The following ICE2 variants were observed in gnomAD, a reference collection of about 807,000 sequenced individuals.
ICE2 encodes the protein little elongation complex subunit 2.
In ICE2, 87 loss-of-function variants were observed where a neutral mutation model predicts 105.4. The observed-to-expected ratio is 0.83, with a 90% CI of 0.69 to 0.99. The LOEUF (loss-of-function observed/expected upper bound fraction) is 0.99, where lower values mean the gene tolerates loss of function less well. Ranked by LOEUF, ICE2 falls within the 50% of genes least tolerant of loss-of-function variation. The pLI is 0.00. For missense variants in ICE2, 1,323 were observed against 1,146.7 expected, an observed-to-expected ratio of 1.15 and a Z score of -2.22; for synonymous variants, 399 against 392.0, an observed-to-expected ratio of 1.02 and a Z score of -0.21.
chr15:60,476,486 G>A (rs2064765607), intron 2 of ICE2, among the ~76,000 whole-genome samples: 1 of 152,248 alleles, frequency 6.6e-6, no homozygotes. Flanking sequence ...TATAATCAAG[G>A]GTCTGTCAAA....
chr15:60,452,174 A>C (rs750507760), intron 9 of ICE2: 26 of 967,916 alleles, frequency 2.7e-5, no homozygotes, highest in Non-Finnish European at 3.2e-5. Flanking sequence ...AGAAGAAAAC[A>C]TAAGTTAAAA....
intron 15 of ICE2, among the ~76,000 whole-genome samples, chr15:60,424,643 G>C (rs1053768630): frequency 6.6e-6 from 1 of 152,136 alleles, no homozygotes; most frequent in African/African-American, 2.4e-5. Context: ...TGAGCAGCTG[G>C]GATTACAGGT....
Position 60,449,014 on chromosome 15 carries a change from C to G in ICE2, c.1953G>C (p.Met651Ile). 6.2e-7 allele frequency: 1 copy of G among 1,613,746 alleles called. No homozygotes were observed. The highest frequency in any genetic ancestry group is 8.5e-7 in the Non-Finnish European group (1 of 1,179,942). ...AAATTGGCTTTAAGAGCTCATCCTG[C>G]ATTTTTAAAATCTCTCCAACTGGAT... ...KFDPVGEILK[M>I]QDELLKPISR... The change falls in exon 10 of 16, where the codon ATG (methionine) becomes ATC (isoleucine). Residue 651 changes from methionine (M) to isoleucine (I), a missense_variant. By Grantham distance (10) the Met-to-Ile change is conservative (BLOSUM62 1). Coordinates refer to ENST00000261520, the MANE Select transcript of ICE2 (RefSeq NM_024611.6).
chr15:60,461,915 G>C (rs2064288543), intron 5 of ICE2, among the ~76,000 whole-genome samples: 1 of 152,190 alleles, frequency 6.6e-6, no homozygotes. Flanking sequence ...TGAAAAGCCA[G>C]TAGGAAGAGC....
chr15:60,463,363 A>T (rs745480496), intron 5 of ICE2, among the ~76,000 whole-genome samples: 7 of 152,234 alleles, frequency 4.6e-5, no homozygotes, highest in Non-Finnish European at 1.0e-4. Context: ...TATAATGGAA[A>T]AATGGACAGA....
chr15:60,460,617 G>T (rs1213764807), intron 5 of ICE2, among the ~76,000 whole-genome samples: 1 of 152,128 alleles, frequency 6.6e-6, no homozygotes, highest in African/African-American at 2.4e-5. Context: ...TGACGTTTTG[G>T]ACCACATAAT....
chr15:60,433,094 T>G (rs952734752), intron 13 of ICE2, among the ~76,000 whole-genome samples: 4 of 151,940 alleles, frequency 2.6e-5, no homozygotes, highest in African/African-American at 9.7e-5. Flanking sequence ...CAGGTTTTTT[T>G]TTTTTTTTGA....
chr15:60,477,984 A>G lies in ICE2; in HGVS notation c.-7T>C. 1 of 1,613,926 alleles carries G rather than the reference A, an allele frequency of 6.2e-7. No homozygotes were observed. The highest frequency in any genetic ancestry group is 8.5e-7 in the Non-Finnish European group (1 of 1,179,846). Reference sequence around the variant, plus strand: ...TGACCATCTTGGAGCTCATCTTCCTAGATTTCTGCTTCACTCTAGCTCACA... The same window carrying G: ...TGACCATCTTGGAGCTCATCTTCCTGGATTTCTGCTTCACTCTAGCTCACA... On this transcript the variant is annotated 5_prime_UTR_variant, in exon 2 of 16. Transcript: ENST00000261520.
chr15:60,466,443 C>A, intron 5 of ICE2, 151 bp downstream of exon 5: 1 of 742,054 alleles, frequency 1.3e-6, no homozygotes, highest in Non-Finnish European at 2.2e-6. Context: ...AGTTTTTCTA[C>A]TATTTTAATG....
At position 60,420,048 on chromosome 15, in the gene ICE2, T is replaced by C. The variant is rs1472712977; in HGVS notation, c.*3586A>G. 1.3e-5 allele frequency: 2 copies of C among 152,188 alleles called. No individual in the cohort carries two copies. Among genetic ancestry groups the C allele is most frequent in the African/African-American group, 4.8e-5 (2 of 41,430 alleles). 9.4% of individuals were successfully genotyped at this position (152,188 alleles called of 1,614,324 possible). A position where few individuals can be genotyped will look rare whatever the true frequency, so the allele number is the denominator to read the frequency against. On this transcript the variant is annotated 3_prime_UTR_variant, in exon 16 of 16. Transcript: ENST00000261520. ...TTGACTTACAGAAACTGTGAGATAA[T>C]GTTTGTTGTTTTAAGTAGCTAAGTT... is the stretch of plus-strand genomic sequence containing the variant.
intron 5 of ICE2, among the ~76,000 whole-genome samples, chr15:60,464,342 A>G: frequency 1.1e-5 from 1 of 88,318 alleles, no homozygotes; most frequent in African/African-American, 3.0e-5. Flanking sequence ...CCACGAGTGA[A>G]TAAAACAGCA....
intron 3 of ICE2, among the ~76,000 whole-genome samples, chr15:60,469,802 C>T (rs2064537679): frequency 6.6e-6 from 1 of 152,210 alleles, no homozygotes; most frequent in Non-Finnish European, 1.5e-5. Flanking sequence ...CTTAGATTCA[C>T]AAATGCTACC....
rs549598658 is a variant in ICE2, at chr15:60,421,055, T to C, written c.*2579A>G. On this transcript the variant is annotated 3_prime_UTR_variant, in exon 16 of 16. Transcript: ENST00000261520. The stretch of plus-strand genomic sequence containing the variant: ...AAACAAGGCTATGAGAGAATAACTG[T>C]GGGGACCTACTTTGGAGTGCATGGC... 6.6e-6 allele frequency: 1 copy of C among 152,202 alleles called. No individual in the cohort carries two copies. The highest frequency in any genetic ancestry group is 2.4e-5 in the African/African-American group (1 of 41,462). 9.4% of individuals were successfully genotyped at this position (152,202 alleles called of 1,614,324 possible). A position where few individuals can be genotyped will look rare whatever the true frequency, so the allele number is the denominator to read the frequency against.
chr15:60,448,711 T>C (rs755997077), intron 10 of ICE2, 137 bp downstream of exon 10: 4 of 758,742 alleles, frequency 5.3e-6, no homozygotes, highest in Admixed American at 6.2e-5. Context: ...TACTGATCAA[T>C]AGATCGAAAA....
intron 5 of ICE2, among the ~76,000 whole-genome samples, chr15:60,465,285 G>A (rs966116538): frequency 3.3e-5 from 5 of 151,822 alleles, no homozygotes; most frequent in Non-Finnish European, 7.4e-5. Context: ...TCCACCTCCT[G>A]GGCTTAAGTG....
chr15:60,421,174 T>A lies in ICE2; in HGVS notation c.*2460A>T, dbSNP rs2063239374. ...CTGAGGTATAAATGGGCCAGGGTGA[T>A]CACATCCTTGCTAGCCCTAAGTCTG... On this transcript the variant is annotated 3_prime_UTR_variant, in exon 16 of 16. Transcript: ENST00000261520. 6.7e-6 allele frequency: 1 copy of A among 149,878 alleles called. No individual in the cohort carries two copies. Among genetic ancestry groups the A allele is most frequent in the South Asian group, 2.1e-4 (1 of 4,676 alleles). 9.3% of individuals were successfully genotyped at this position (149,878 alleles called of 1,614,324 possible). A position where few individuals can be genotyped will look rare whatever the true frequency, so the allele number is the denominator to read the frequency against.
Position 60,453,631 on chromosome 15 carries a change from T to C in ICE2, c.1097A>G (p.Lys366Arg), listed in dbSNP as rs776635243. The C allele has an allele frequency of 6.2e-7, 1 of 1,613,736 alleles. No homozygotes were observed. The highest frequency in any genetic ancestry group is 2.2e-5 in the East Asian group (1 of 44,810). ...CATTTCAGATATAAACTCTTCAGGT[T>C]TGTCCATAAAGACTGCAGAGACTGG... Reference protein sequence around the residue: ...SVPVSAVFMDKPEEFISEMDM... With the variant: ...SVPVSAVFMDRPEEFISEMDM... Residue 366 changes from lysine to arginine, a missense_variant, in exon 9 of 16, where the codon AAA becomes AGA. Physicochemically the swap from Lys to Arg is conservative, Grantham distance 26 (BLOSUM62 2). Transcript: ENST00000261520.
At chr15:60,448,794 C>A in intron 10 of ICE2, 54 bp downstream of exon 10, 1 of 1,462,472 alleles carries the variant, frequency 6.8e-7, no homozygotes, top group Admixed American at 2.3e-5. Context: ...GGAGAAAAAC[C>A]TAAGGAAAAA....
intron 2 of ICE2, 143 bp downstream of exon 2, chr15:60,477,794 T>C (rs2064807264): frequency 4.2e-6 from 3 of 716,802 alleles, no homozygotes; most frequent in Non-Finnish European, 7.5e-6. Context: ...TATGTGAAGA[T>C]GAGGATAGGG....
Sources: allele counts gnomAD v4.1 joint callset (sites outside exome capture counted in the v4.1 genomes callset), GRCh38; gene constraint gnomAD v4.1.1; transcripts MANE v1.5; gene names NCBI Gene and HGNC (gene_info 2026-07-23, HGNC 2026-07-21).